MEGF11: variants seen among roughly 807,000 people sequenced by gnomAD.
MEGF11 encodes multiple epidermal growth factor-like domains protein 11.
Under a neutral mutation model 146.6 loss-of-function variants are expected in MEGF11, and 126 were observed. The ratio of observed to expected loss-of-function variants is 0.86; its 90% CI spans 0.74 to 1.00. MEGF11 has a LOEUF of 1.00. Ranked by LOEUF, MEGF11 falls within the 50% of genes least tolerant of loss-of-function variation. The pLI is 0.00. For missense variants in MEGF11, 1,509 were observed against 1,521.2 expected (o/e 0.99, Z 0.13); for synonymous variants, 532 against 583.4 (o/e 0.91, Z 1.27).
rs116513372 is a variant in MEGF11, at chr15:66,049,532, G to C, written c.394+44870C>G. ...AGCAATGTTTTTTTAATGGGGACTTGCGCCTGTGGAAGCGTTTTCCCCACC... is the reference window on the plus strand; with the variant it reads ...AGCAATGTTTTTTTAATGGGGACTTCCGCCTGTGGAAGCGTTTTCCCCACC... On this transcript the variant is annotated intron_variant, in intron 5 of 25. Transcript: ENST00000395614. Among the ~76,000 whole-genome samples the C allele has an allele frequency of 5.1e-3, 772 of 152,290 alleles. 5 individuals are homozygous for C. The highest frequency in any genetic ancestry group is 0.018 in the African/African-American group (747 of 41,540).
intron 13 of MEGF11, 24 bp downstream of exon 13, chr15:65,928,401 G>T: frequency 6.5e-7 from 1 of 1,535,248 alleles, no homozygotes; most frequent in Non-Finnish European, 8.9e-7. Context: ...GTACCTGGGT[G>T]GTGGCACAGC....
intron 1 of MEGF11, among the ~76,000 whole-genome samples, chr15:66,221,476 G>A (rs148373687): frequency 6.6e-6 from 1 of 151,862 alleles, no homozygotes; most frequent in African/African-American, 2.4e-5. Context: ...TTTCACAACT[G>A]TCAGAGGACC....
chr15:66,057,248 G>A (rs2084712579), intron 5 of MEGF11, among the ~76,000 whole-genome samples: 1 of 152,134 alleles, frequency 6.6e-6, no homozygotes, highest in African/African-American at 2.4e-5. Context: ...GTAGGGCGTC[G>A]GGGAGGTTGG....
chr15:66,140,423 C>G (rs553977915), intron 1 of MEGF11, among the ~76,000 whole-genome samples: 235 of 151,794 alleles, frequency 1.5e-3, no homozygotes, highest in African/African-American at 5.4e-3. Flanking sequence ...AGGTTTCCCG[C>G]CTGACTCCAG....
intron 1 of MEGF11, among the ~76,000 whole-genome samples, chr15:66,133,770 T>C (rs2088765341): frequency 6.6e-6 from 1 of 152,150 alleles, no homozygotes; most frequent in South Asian, 2.1e-4. Context: ...TGCTTTCTAA[T>C]CTTCCTGTAC....
intron 5 of MEGF11, among the ~76,000 whole-genome samples, chr15:66,087,405 G>A (rs1168439043): frequency 6.6e-6 from 1 of 152,144 alleles, no homozygotes; most frequent in Non-Finnish European, 1.5e-5. Flanking sequence ...CTTTCTCCAA[G>A]AGAGACCATA....
At chr15:66,029,723 G>A (rs945202651) in intron 5 of MEGF11, among the ~76,000 whole-genome samples, 5 of 152,132 alleles carry the variant, frequency 3.3e-5, no homozygotes, top group Non-Finnish European at 7.4e-5. Context: ...GAGCTGAGTG[G>A]GGACCTCTGT....
chr15:66,117,456 G>A (rs934092329), intron 4 of MEGF11, among the ~76,000 whole-genome samples: 1 of 152,188 alleles, frequency 6.6e-6, no homozygotes, highest in Non-Finnish European at 1.5e-5. Context: ...GTGCAATCAG[G>A]ACGCTTAGCA....
intron 1 of MEGF11, among the ~76,000 whole-genome samples, chr15:66,239,554 C>T (rs983844775): frequency 6.6e-6 from 1 of 152,218 alleles, no homozygotes; most frequent in African/African-American, 2.4e-5. Flanking sequence ...GCCTCCCAGA[C>T]CATCACCTAC....
intron 13 of MEGF11, among the ~76,000 whole-genome samples, chr15:65,923,910 TC>T (rs1195608251): frequency 6.6e-6 from 1 of 152,144 alleles, no homozygotes; most frequent in Non-Finnish European, 1.5e-5. Flanking sequence ...CAGAAAGGCT[TC>T]CAGTCTGACA....
At chr15:66,016,639 A>G (rs957914530) in intron 5 of MEGF11, among the ~76,000 whole-genome samples, 4 of 152,228 alleles carry the variant, frequency 2.6e-5, no homozygotes, top group Admixed American at 6.5e-5. Context: ...TGACAGCTGA[A>G]TATCACCTTC....
intron 5 of MEGF11, among the ~76,000 whole-genome samples, chr15:66,047,430 T>C (rs1364203604): frequency 2.0e-5 from 3 of 152,156 alleles, no homozygotes; most frequent in African/African-American, 7.2e-5. Flanking sequence ...ATCTACAAGA[T>C]GGGACTGACT....
intron 5 of MEGF11, among the ~76,000 whole-genome samples, chr15:66,018,094 C>T (rs1185448457): frequency 6.6e-6 from 1 of 152,156 alleles, no homozygotes; most frequent in Non-Finnish European, 1.5e-5. Flanking sequence ...TGGGGCAGTG[C>T]CCACCCCAGC....
intron 1 of MEGF11, among the ~76,000 whole-genome samples, chr15:66,162,957 T>A (rs1223319418): frequency 1.3e-5 from 2 of 152,102 alleles, no homozygotes; most frequent in Non-Finnish European, 2.9e-5. Flanking sequence ...CCCTGGCAAA[T>A]CTCCTAAATC....
chr15:66,110,458 G>A (rs1476578886), intron 4 of MEGF11, among the ~76,000 whole-genome samples: 1 of 152,186 alleles, frequency 6.6e-6, no homozygotes, highest in Non-Finnish European at 1.5e-5. Flanking sequence ...GTGGGGCTCT[G>A]TCGGGGGTGG....
intron 1 of MEGF11, among the ~76,000 whole-genome samples, chr15:66,241,861 C>T (rs1468272063): frequency 6.6e-6 from 1 of 151,206 alleles, no homozygotes; most frequent in East Asian, 1.9e-4. Context: ...CCTCACATCC[C>T]TATCTACACC....
At chr15:65,926,500 G>A (rs1284798172) in intron 13 of MEGF11, among the ~76,000 whole-genome samples, 1 of 152,250 alleles carries the variant, frequency 6.6e-6, no homozygotes, top group Non-Finnish European at 1.5e-5. Context: ...GGAGACACAT[G>A]CACAGCTCAG....
chr15:65,947,723 GCAGAAGCCC>G (rs2080248927), intron 10 of MEGF11, among the ~76,000 whole-genome samples: 1 of 152,216 alleles, frequency 6.6e-6, no homozygotes, highest in African/African-American at 2.4e-5. Flanking sequence ...CTGGGAGCCA[GCAGAAGCCC>G]CATCTATGCT....
intron 4 of MEGF11, among the ~76,000 whole-genome samples, chr15:66,103,862 C>A (rs1206647706): frequency 2.6e-5 from 4 of 152,204 alleles, no homozygotes; most frequent in Non-Finnish European, 4.4e-5. Flanking sequence ...ACAGCACAGA[C>A]CCCCAGCCAG....
Sources: allele counts gnomAD v4.1 joint callset (sites outside exome capture counted in the v4.1 genomes callset), GRCh38; gene constraint gnomAD v4.1.1; transcripts MANE v1.5; gene names NCBI Gene and HGNC (gene_info 2026-07-23, HGNC 2026-07-21).